Variants in RNF144B observed in about 807,000 individuals in gnomAD.
The protein encoded by RNF144B is E3 ubiquitin-protein ligase RNF144B.
RNF144B carries 25 observed loss-of-function variants against 40.2 expected under a neutral mutation model. The observed-to-expected ratio is 0.62, with a 90% CI of 0.45 to 0.87. RNF144B has a LOEUF of 0.87. Ranked by LOEUF, RNF144B falls within the 40% of genes least tolerant of loss-of-function variation. The pLI, the probability that RNF144B is intolerant of heterozygous loss-of-function variation, is 0.00. For missense variants in RNF144B, 365 were observed against 373.7 expected (o/e 0.98, Z 0.19); for synonymous variants, 145 against 136.3 (o/e 1.06, Z -0.44).
chr6:18,409,580 T>TTTA (rs1554173755), intron 2 of RNF144B, among the ~76,000 whole-genome samples: 10 of 139,186 alleles, frequency 7.2e-5, no homozygotes, highest in Non-Finnish European at 1.3e-4. Context: ...TTTTTTTTTT[T>TTTA]ACTTTTTGAG....
In RNF144B at chr6:18,444,534, C is replaced by G. The variant is rs1398935689; in HGVS notation, c.331+4790C>G. Among the ~76,000 whole-genome samples the G allele has an allele frequency of 6.6e-6, 1 of 151,858 alleles. No individual in the cohort carries two copies. The highest frequency in any genetic ancestry group is 1.5e-5 in the Non-Finnish European group (1 of 67,960). On this transcript the variant is annotated intron_variant, in intron 4 of 7. Transcript: ENST00000259939. The surrounding 1 kb of genome is among the most constrained non-coding windows in gnomAD (Gnocchi z 4.3). Reference sequence around the variant, plus strand: ...ACGCACTTTTCCTTTTTTTGTGACCCTGTTTGACTTTCTGTAACTGCAAGT... The same window carrying G: ...ACGCACTTTTCCTTTTTTTGTGACCGTGTTTGACTTTCTGTAACTGCAAGT...
At chr6:18,396,521 T>A (rs1240747259) in intron 1 of RNF144B, 5 of 985,264 alleles carry the variant, frequency 5.1e-6, no homozygotes, top group Non-Finnish European at 6.0e-6. Context: ...ACCAGCTTTC[T>A]CCACATGGCT....
chr6:18,449,697 G>GTATATATATATATATATATATATATATA (rs70974745), intron 4 of RNF144B, among the ~76,000 whole-genome samples: 1 of 149,282 alleles, frequency 6.7e-6, no homozygotes, highest in African/African-American at 2.4e-5. Flanking sequence ...GTGTTTTGAA[G>GTATATATATATATATATATATATATATA]TATATATATA....
At position 18,441,624 on chromosome 6, in the gene RNF144B, G is replaced by A. The variant is rs910686912; in HGVS notation, c.331+1880G>A. Among the ~76,000 whole-genome samples the A allele has an allele frequency of 5.8e-4, 89 of 152,156 alleles. 1 individual carries two copies. The highest frequency in any genetic ancestry group is 2.5e-4 in the Non-Finnish European group (17 of 68,028). ...ATATTACCAGGAATTACAACTTTCT[G>A]TGGGTTGTTTCTCACTGATGAATAT... On this transcript the variant is annotated intron_variant, in intron 4 of 7. Coordinates refer to ENST00000259939, the MANE Select transcript of RNF144B (RefSeq NM_182757.4). The surrounding 1 kb of genome is among the most constrained non-coding windows in gnomAD (Gnocchi z 4.9).
At chr6:18,451,747 G>A (rs1759213102) in intron 4 of RNF144B, among the ~76,000 whole-genome samples, 1 of 152,326 alleles carries the variant, frequency 6.6e-6, no homozygotes, top group Middle Eastern at 3.4e-3. Context: ...AATGTGAATT[G>A]CTCATCCAAA....
rs779222242 is a variant in RNF144B, at chr6:18,459,619, G to A, written c.549G>A (p.Gly183=). The change falls in exon 6 of 8, where the codon GGG becomes GGA. Residue 183 remains glycine, a synonymous_variant. Coordinates refer to ENST00000259939, the MANE Select transcript of RNF144B (RefSeq NM_182757.4). This position sits in a 1 kb window ranked among gnomAD's most constrained non-coding sequence, Gnocchi z 4.2. ...VLPTEHRALF[G]TDAEAPIKQC... ...ATTTTGTTTCTAGAGCCCTCTTTGG[G>A]ACAGATGCAGAAGCCCCCATTAAGC... 1 of 1,613,450 alleles carries A rather than the reference G, an allele frequency of 6.2e-7. No individual in the cohort carries two copies. The highest frequency in any genetic ancestry group is 1.7e-5 in the Admixed American group (1 of 59,970).
chr6:18,403,679 G>T (rs1425080279), intron 2 of RNF144B, among the ~76,000 whole-genome samples: 2 of 152,186 alleles, frequency 1.3e-5, no homozygotes, highest in Non-Finnish European at 1.5e-5. Flanking sequence ...GACCGTCTTA[G>T]TCCATTTTGT....
intron 3 of RNF144B, 85 bp downstream of exon 3, chr6:18,427,770 G>A (rs1582422894): frequency 1.1e-6 from 1 of 894,930 alleles, no homozygotes; most frequent in Non-Finnish European, 1.8e-6. Flanking sequence ...TCCCTACCAG[G>A]GAGTCTAGCA....
Position 18,446,849 on chromosome 6 carries a change from GTGTGTGTGT to G in RNF144B, c.331+7106_331+7114del. Among the ~76,000 whole-genome samples, 1 of 71,350 alleles carries G rather than the reference GTGTGTGTGT, an allele frequency of 1.4e-5. No homozygotes were observed. The highest frequency in any genetic ancestry group is 3.8e-5 in the Non-Finnish European group (1 of 26,364). 46.8% of individuals were successfully genotyped at this position (71,350 alleles called of 152,430 possible). A position where few individuals can be genotyped will look rare whatever the true frequency, so the allele number is the denominator to read the frequency against. ...ATTGGTTCTATTTTAGGGTGTGTGT[GTGTGTGTGT>G]GTGTGTGTGTGTGTGTCTGTGTGTG... On this transcript the variant is annotated intron_variant, in intron 4 of 7. Coordinates refer to ENST00000259939, the MANE Select transcript of RNF144B (RefSeq NM_182757.4). The surrounding 1 kb of genome is among the most constrained non-coding windows in gnomAD (Gnocchi z 4.7).
chr6:18,411,797 C>T (rs563958853), intron 2 of RNF144B, among the ~76,000 whole-genome samples: 45 of 152,178 alleles, frequency 3.0e-4, no homozygotes, highest in African/African-American at 1.1e-3. Flanking sequence ...CCCAGCCCAC[C>T]TGTACTTTCT....
intron 1 of RNF144B, among the ~76,000 whole-genome samples, chr6:18,390,655 C>T (rs1794561418): frequency 6.6e-6 from 1 of 152,208 alleles, no homozygotes; most frequent in African/African-American, 2.4e-5. Context: ...AGTCCCAGCC[C>T]TTCATCAACT....
Position 18,457,327 on chromosome 6 carries a change from C to G in RNF144B, c.504C>G (p.Asp168Glu). Reference sequence around the variant, plus strand: ...GGCATGCAGAGGTCTCCTGTAGAGACAGTCAGCCTATTGTCCTGCCAACAG... The same window carrying G: ...GGCATGCAGAGGTCTCCTGTAGAGAGAGTCAGCCTATTGTCCTGCCAACAG... ...DAWHAEVSCR[D>E]SQPIVLPTEH... Residue 168 changes from aspartate (D) to glutamate (E), a missense_variant, in exon 5 of 8, where the codon GAC becomes GAG. Coordinates refer to ENST00000259939, the MANE Select transcript of RNF144B (RefSeq NM_182757.4). This position sits in a 1 kb window ranked among gnomAD's most constrained non-coding sequence, Gnocchi z 5.1. 1 of 1,614,148 alleles carries G rather than the reference C, an allele frequency of 6.2e-7. No individual in the cohort carries two copies. The highest frequency in any genetic ancestry group is 8.5e-7 in the Non-Finnish European group (1 of 1,179,978).
chr6:18,423,717 A>G (rs1758487141), intron 2 of RNF144B, among the ~76,000 whole-genome samples: 1 of 152,212 alleles, frequency 6.6e-6, no homozygotes. Flanking sequence ...ATTTTTGGTT[A>G]GATCCCATAT....
chr6:18,439,838 T>C, intron 4 of RNF144B, 94 bp downstream of exon 4: 4 of 810,128 alleles, frequency 4.9e-6, no homozygotes, highest in Admixed American at 1.9e-5. Flanking sequence ...AGCTATGGGC[T>C]GTCAACAAAG....
chr6:18,427,742 C>A, intron 3 of RNF144B, 57 bp downstream of exon 3: 3 of 1,150,326 alleles, frequency 2.6e-6, no homozygotes, highest in Non-Finnish European at 3.9e-6. Context: ...TTATTAGGAT[C>A]TTGAGTCTTT....
Position 18,416,998 on chromosome 6 carries a change from A to G in RNF144B, c.166-10583A>G, listed in dbSNP as rs771232736. ...ATAATATAATTGCATTAATAAGAAA[A>G]TAATTCCATTTACAATATCATTAAA... On this transcript the variant is annotated intron_variant, in intron 2 of 7. Coordinates refer to ENST00000259939, the MANE Select transcript of RNF144B (RefSeq NM_182757.4). The surrounding 1 kb of genome is among the most constrained non-coding windows in gnomAD (Gnocchi z 5.5). 6.6e-6 allele frequency among the ~76,000 whole-genome samples: 1 copy of G among 152,226 alleles called. No homozygotes were observed. The highest frequency in any genetic ancestry group is 1.5e-5 in the Non-Finnish European group (1 of 68,040).
At chr6:18,436,691 G>A (rs1758830776) in intron 3 of RNF144B, among the ~76,000 whole-genome samples, 1 of 152,190 alleles carries the variant, frequency 6.6e-6, no homozygotes, top group Non-Finnish European at 1.5e-5. Context: ...ATTGTCAGGT[G>A]TAGCAGTCAA....
Position 18,455,750 on chromosome 6 carries a change from CA to C in RNF144B, c.332-1402del, listed in dbSNP as rs201942114. On this transcript the variant is annotated intron_variant, in intron 4 of 7. Transcript: ENST00000259939. ...AAAAAGAGATACCAAGCAAGATTTG[CA>C]AACACTTAAATAGATGGCTGTCAGT... is the stretch of plus-strand genomic sequence containing the variant. Among the ~76,000 whole-genome samples, 160 of 152,210 alleles carry C rather than the reference CA, an allele frequency of 1.1e-3. 5 individuals are homozygous for C. The East Asian group carries it at 0.027, about 26-fold the overall frequency.
chr6:18,427,618 G>C lies in RNF144B; in HGVS notation c.203G>C (p.Gly68Ala). The change falls in exon 3 of 8, where the codon GGA (glycine) becomes GCA (alanine). Residue 68 changes from glycine to alanine, a missense_variant. Coordinates refer to ENST00000259939, the MANE Select transcript of RNF144B (RefSeq NM_182757.4). ...TACATGCAGCTGGCAATCCGAGAAG[G>C]ATGTGGGTCTCCCATCACTTGCCCT... ...KQYMQLAIRE[G>A]CGSPITCPDM... 6.2e-7 allele frequency: 1 copy of C among 1,613,802 alleles called. No homozygotes were observed. Among genetic ancestry groups the C allele is most frequent in the Non-Finnish European group, 8.5e-7 (1 of 1,179,814 alleles).
Sources: gnomAD v4.1 joint callset for allele counts (sites outside exome capture counted in the v4.1 genomes callset) on GRCh38, gnomAD v4.1.1 for gene constraint, Gnocchi (gnomAD v3.1) non-coding constraint, MANE v1.5 for transcripts, NCBI Gene and HGNC (gene_info 2026-07-23, HGNC 2026-07-21) for gene names.